ZMAT4: variants seen among roughly 807,000 people sequenced by gnomAD.
ZMAT4 encodes the protein zinc finger matrin-type 4.
A neutral mutation model predicts 28.7 loss-of-function variants in ZMAT4; 17 were observed. That is an observed-to-expected ratio of 0.59 (90% CI 0.41 to 0.89). ZMAT4 has a LOEUF of 0.89. ZMAT4 is among the 40% of genes least tolerant of loss of function. The probability of loss-of-function intolerance (pLI) is 0.00; values close to 1 mark genes in which losing one functional copy is unlikely to be tolerated. For missense variants in ZMAT4, 240 were observed against 283.8 expected (o/e 0.85, Z 1.11); for synonymous variants, 117 against 109.2 (o/e 1.07, Z -0.44).
At chr8:40,621,031 G>A (rs756631815) in intron 5 of ZMAT4, among the ~76,000 whole-genome samples, 3 of 152,200 alleles carry the variant, frequency 2.0e-5, no homozygotes, top group Non-Finnish European at 4.4e-5. Flanking sequence ...TGAGGCTTGA[G>A]TTGCTTTATT....
intron 5 of ZMAT4, among the ~76,000 whole-genome samples, chr8:40,614,364 T>G (rs1359128382): frequency 6.6e-6 from 1 of 152,218 alleles, no homozygotes; most frequent in Non-Finnish European, 1.5e-5. Context: ...AATAAATAGT[T>G]ATTAGTTTAA....
intron 1 of ZMAT4, among the ~76,000 whole-genome samples, chr8:40,874,278 G>A (rs1447423813): frequency 2.6e-5 from 4 of 152,286 alleles, no homozygotes; most frequent in Non-Finnish European, 4.4e-5. Flanking sequence ...CACCCGTCAC[G>A]TCCAGCTGTG....
intron 2 of ZMAT4, among the ~76,000 whole-genome samples, chr8:40,814,096 G>A (rs535272916): frequency 1.8e-4 from 27 of 150,932 alleles, no homozygotes; most frequent in African/African-American, 6.4e-4. Flanking sequence ...GCATTCGTAG[G>A]ATCCTCTGAG....
At position 40,862,978 on chromosome 8, in the gene ZMAT4, AAAAGAAAG is replaced by A. The variant is rs200600161; in HGVS notation, c.-5+34697_-5+34704del. Among the ~76,000 whole-genome samples, 726 of 152,202 alleles carry A rather than the reference AAAAGAAAG, an allele frequency of 4.8e-3. 7 individuals carry two copies. Among genetic ancestry groups the A allele is most frequent in the East Asian group, 0.044 (227 of 5,188 alleles). ...AGAACTTAAAATATAATTTAAAAAA[AAAAGAAAG>A]AAAGAAAGAAAGAACAGCCTGTGCA... On this transcript the variant is annotated intron_variant, in intron 1 of 6. Transcript: ENST00000297737.
chr8:40,758,886 G>A (rs1296861709), intron 3 of ZMAT4, among the ~76,000 whole-genome samples: 1 of 152,052 alleles, frequency 6.6e-6, no homozygotes, highest in Non-Finnish European at 1.5e-5. Context: ...AAATGAAACA[G>A]AGAATCAGTA....
At chr8:40,532,925 G>T (rs1458300505) in intron 6 of ZMAT4, among the ~76,000 whole-genome samples, 8 of 151,648 alleles carry the variant, frequency 5.3e-5, no homozygotes, top group Non-Finnish European at 1.2e-4. Context: ...ACCTGATGCA[G>T]TGAGCCGAGA....
intron 5 of ZMAT4, among the ~76,000 whole-genome samples, chr8:40,641,670 C>T (rs543180337): frequency 4.9e-4 from 75 of 152,240 alleles, no homozygotes; most frequent in African/African-American, 1.7e-3. Context: ...CCTCTGCCCT[C>T]TTTTTTTATT....
intron 5 of ZMAT4, among the ~76,000 whole-genome samples, chr8:40,672,664 A>T (rs1477301598): frequency 1.3e-5 from 2 of 152,210 alleles, no homozygotes; most frequent in African/African-American, 4.8e-5. Flanking sequence ...TGCTGTAGGA[A>T]TAATTTTTCT....
intron 1 of ZMAT4, among the ~76,000 whole-genome samples, chr8:40,855,393 T>C (rs768888567): frequency 1.3e-5 from 2 of 152,068 alleles, no homozygotes; most frequent in Non-Finnish European, 2.9e-5. Context: ...TAGGCTCAGA[T>C]GATTCCAAGC....
intron 5 of ZMAT4, among the ~76,000 whole-genome samples, chr8:40,659,945 A>G (rs1563394357): frequency 1.3e-5 from 2 of 152,242 alleles, no homozygotes; most frequent in African/African-American, 4.8e-5. Context: ...TTTCTTTTAC[A>G]TATAACTGCA....
At chr8:40,599,777 A>T (rs1308073250) in intron 5 of ZMAT4, among the ~76,000 whole-genome samples, 1 of 152,212 alleles carries the variant, frequency 6.6e-6, no homozygotes, top group Non-Finnish European at 1.5e-5. Context: ...GGTCTGCCTG[A>T]ACATATGCTG....
chr8:40,697,512 A>C, intron 3 of ZMAT4, 111 bp from the exon 4 acceptor site: 1 of 1,125,740 alleles, frequency 8.9e-7, no homozygotes, highest in Non-Finnish European at 1.1e-6. Flanking sequence ...TTTGTTCTGC[A>C]AGCTGTCTCT....
At chr8:40,893,947 C>G (rs942566513) in intron 1 of ZMAT4, among the ~76,000 whole-genome samples, 3 of 152,176 alleles carry the variant, frequency 2.0e-5, no homozygotes, top group Non-Finnish European at 4.4e-5. Context: ...ATGTAAATAC[C>G]TCTGTAAGTA....
At chr8:40,885,173 C>T (rs4736885) in intron 1 of ZMAT4, among the ~76,000 whole-genome samples, 2,978 of 152,252 alleles carry the variant, frequency 0.02, 88 homozygotes, top group Admixed American at 0.084. Context: ...CTCCAGCAAC[C>T]CCCAAAACAA....
intron 6 of ZMAT4, among the ~76,000 whole-genome samples, chr8:40,560,775 C>T (rs1019061257): frequency 6.7e-6 from 1 of 148,718 alleles, no homozygotes; most frequent in Admixed American, 6.6e-5. Flanking sequence ...CCTAGAAATG[C>T]CCCCACTGTC....
intron 5 of ZMAT4, among the ~76,000 whole-genome samples, chr8:40,643,895 T>C (rs1040761575): frequency 1.8e-4 from 28 of 151,814 alleles, no homozygotes; most frequent in East Asian, 1.4e-3. Flanking sequence ...AAACCAAGGT[T>C]GATAATTTTT....
At chr8:40,705,634 A>C (rs1279311434) in intron 3 of ZMAT4, among the ~76,000 whole-genome samples, 1 of 152,246 alleles carries the variant, frequency 6.6e-6, no homozygotes, top group Admixed American at 6.5e-5. Context: ...GACAGATAAA[A>C]TTCTATGCAT....
In ZMAT4 at chr8:40,876,562, C is replaced by T. The variant is rs376983135; in HGVS notation, c.-5+21121G>A. Among the ~76,000 whole-genome samples, 7 of 152,322 alleles carry T rather than the reference C, an allele frequency of 4.6e-5. No homozygotes were observed. The East Asian group carries it at 7.7e-4, about 17-fold the overall frequency. The stretch of plus-strand genomic sequence containing the variant: ...AGCTCCTGGGCTCAAGAAATCCTAC[C>T]ACCTCAGCCTCCAAAGTGCTGGGGT... On this transcript the variant is annotated intron_variant, in intron 1 of 6. Coordinates refer to ENST00000297737, the MANE Select transcript of ZMAT4 (RefSeq NM_024645.3).
chr8:40,892,583 A>G (rs916841354), intron 1 of ZMAT4, among the ~76,000 whole-genome samples: 2 of 152,224 alleles, frequency 1.3e-5, no homozygotes, highest in African/African-American at 4.8e-5. Context: ...GGTCTATTCA[A>G]TTTGGAAACA....
Sources: allele counts gnomAD v4.1 joint callset (sites outside exome capture counted in the v4.1 genomes callset), GRCh38; gene constraint gnomAD v4.1.1; transcripts MANE v1.5; gene names NCBI Gene and HGNC (gene_info 2026-07-23, HGNC 2026-07-21).